The following METTL15 variants were observed in gnomAD, a reference collection of about 807,000 sequenced individuals.
METTL15 encodes 12S rRNA N(4)-cytidine methyltransferase METTL15.
In METTL15, 34 loss-of-function variants were observed where a neutral mutation model predicts 38.3. That is an observed-to-expected ratio of 0.89 (90% CI 0.68 to 1.18). METTL15 has a LOEUF of 1.18. METTL15 is among the 50% of genes most tolerant of loss of function. METTL15 has a pLI of 0.00. For missense variants in METTL15, 438 were observed against 498.4 expected, an observed-to-expected ratio of 0.88 and a Z score of 1.15; for synonymous variants, 162 against 170.9, an observed-to-expected ratio of 0.95 and a Z score of 0.41.
At chr11:28,266,303 A>C (rs926410788) in intron 4 of METTL15, among the ~76,000 whole-genome samples, 35 of 152,176 alleles carry the variant, frequency 2.3e-4, no homozygotes, top group African/African-American at 1.9e-4. Context: ...AGACTTGGAA[A>C]CAACCCAAAT....
intron 3 of METTL15, among the ~76,000 whole-genome samples, chr11:28,127,296 T>G (rs920417947): frequency 5.3e-5 from 8 of 151,998 alleles, no homozygotes; most frequent in African/African-American, 1.9e-4. Context: ...GTAAAAAGCA[T>G]AGGACAAAGC....
intron 6 of METTL15, among the ~76,000 whole-genome samples, chr11:28,298,178 C>G (rs1856802781): frequency 6.6e-6 from 1 of 152,050 alleles, no homozygotes; most frequent in Non-Finnish European, 1.5e-5. Context: ...TGTATACCAG[C>G]ATGCCGACAT....
chr11:28,365,025 C>T (rs1850172657), intron 5 of METTL15, among the ~76,000 whole-genome samples: 2 of 152,138 alleles, frequency 1.3e-5, no homozygotes, highest in African/African-American at 4.8e-5. Context: ...AGAAATAAAG[C>T]CTACTTGATC....
intron 5 of METTL15, among the ~76,000 whole-genome samples, chr11:28,410,059 A>C (rs1172017468): frequency 6.6e-6 from 1 of 152,186 alleles, no homozygotes; most frequent in Non-Finnish European, 1.5e-5. Context: ...CTCAAGATTC[A>C]GTCAGGAAGA....
chr11:28,287,590 C>A, intron 4 of METTL15: 1 of 252,896 alleles, frequency 4.0e-6, no homozygotes, highest in South Asian at 5.4e-5. Flanking sequence ...TGTTGATGCT[C>A]TTGAGAGCAT....
At chr11:28,455,624 A>G (rs1851161399) in intron 6 of METTL15, among the ~76,000 whole-genome samples, 1 of 152,220 alleles carries the variant, frequency 6.6e-6, no homozygotes, top group South Asian at 2.1e-4. Context: ...TCCTTTTGCA[A>G]TGTGACCTGC....
chr11:28,203,728 G>A (rs1018445214), intron 3 of METTL15, among the ~76,000 whole-genome samples: 1 of 151,984 alleles, frequency 6.6e-6, no homozygotes, highest in African/African-American at 2.4e-5. Flanking sequence ...CATATTTGAA[G>A]AACATTGGGG....
chr11:28,247,380 T>C (rs1487501836), intron 4 of METTL15, among the ~76,000 whole-genome samples: 1 of 152,138 alleles, frequency 6.6e-6, no homozygotes, highest in African/African-American at 2.4e-5. Context: ...TTGCCACAGT[T>C]AGACAATTTA....
intron 4 of METTL15, among the ~76,000 whole-genome samples, chr11:28,217,517 A>G (rs1313185816): frequency 6.6e-6 from 1 of 151,784 alleles, no homozygotes; most frequent in East Asian, 1.9e-4. Flanking sequence ...TTGCCTGTTC[A>G]CTCTGATGGT....
intron 6 of METTL15, among the ~76,000 whole-genome samples, chr11:28,502,564 T>C (rs965835327): frequency 6.6e-6 from 1 of 152,214 alleles, no homozygotes; most frequent in African/African-American, 2.4e-5. Context: ...GTAGCAGCTT[T>C]GAAGAAAGAG....
chr11:28,141,265 T>C (rs376634548), intron 3 of METTL15, among the ~76,000 whole-genome samples: 3 of 152,284 alleles, frequency 2.0e-5, no homozygotes, highest in African/African-American at 7.2e-5. Flanking sequence ...TGGGTGCAGG[T>C]GTTACAGGAC....
chr11:28,446,471 A>G (rs1851076267), intron 6 of METTL15, among the ~76,000 whole-genome samples: 1 of 152,192 alleles, frequency 6.6e-6, no homozygotes, highest in Middle Eastern at 3.4e-3. Context: ...GTGAGGCGTG[A>G]GCCCTTCATT....
At chr11:28,348,107 G>T (rs1850010983) in intron 3 of METTL15, among the ~76,000 whole-genome samples, 1 of 152,168 alleles carries the variant, frequency 6.6e-6, no homozygotes, top group South Asian at 2.1e-4. Context: ...ACTTGATTAA[G>T]ATTACGTCCA....
At chr11:28,371,483 T>A (rs1228821121) in intron 5 of METTL15, among the ~76,000 whole-genome samples, 3 of 152,116 alleles carry the variant, frequency 2.0e-5, no homozygotes, top group Non-Finnish European at 4.4e-5. Context: ...TTTGTTATTT[T>A]TGATCAGTAT....
chr11:28,429,799 C>A (rs11030333), intron 6 of METTL15, among the ~76,000 whole-genome samples: 4 of 22,408 alleles, frequency 1.8e-4, no homozygotes, highest in East Asian at 2.8e-3. Flanking sequence ...AAGTGAGGAG[C>A]GTCTCTGCCT....
Position 28,237,917 on chromosome 11 carries a change from G to A in METTL15, c.407+26719G>A, listed in dbSNP as rs113992651. 6.6e-4 allele frequency among the ~76,000 whole-genome samples: 101 copies of A among 152,226 alleles called. 1 individual carries two copies. Among genetic ancestry groups the A allele is most frequent in the African/African-American group, 2.3e-3 (96 of 41,530 alleles). The stretch of plus-strand genomic sequence containing the variant: ...TCAGCAGCGGTGGCTGCAGAACCGC[G>A]GATTTTCGTGATCCGCAAATGCTGC... On this transcript the variant is annotated intron_variant, in intron 4 of 6. Transcript: ENST00000407364.
At chr11:28,391,539 G>A (rs1366953320) in intron 5 of METTL15, among the ~76,000 whole-genome samples, 1 of 152,102 alleles carries the variant, frequency 6.6e-6, no homozygotes, top group Non-Finnish European at 1.5e-5. Context: ...AAAGCTGGAG[G>A]CATCACGCTA....
At chr11:28,193,652 C>G (rs1196987737) in intron 3 of METTL15, among the ~76,000 whole-genome samples, 1 of 152,064 alleles carries the variant, frequency 6.6e-6, no homozygotes, top group East Asian at 1.9e-4. Flanking sequence ...GAACTGTGAT[C>G]TCAACAAATT....
chr11:28,505,768 A>T (rs1253996259), intron 6 of METTL15, among the ~76,000 whole-genome samples: 1 of 152,182 alleles, frequency 6.6e-6, no homozygotes, highest in Non-Finnish European at 1.5e-5. Flanking sequence ...GGGTGGATCC[A>T]TAACTCAGCT....
Sources: allele counts gnomAD v4.1 joint callset (sites outside exome capture counted in the v4.1 genomes callset), GRCh38; gene constraint gnomAD v4.1.1; transcripts MANE v1.5; gene names NCBI Gene and HGNC (gene_info 2026-07-23, HGNC 2026-07-21).